TRAPPC9: variants seen among roughly 807,000 people sequenced by gnomAD.
TRAPPC9 encodes IKK2 binding protein.
TRAPPC9 carries 83 observed loss-of-function variants against 124.0 expected under a neutral mutation model. That is an observed-to-expected ratio of 0.67 (90% CI 0.56 to 0.80). The LOEUF is 0.80. Ranked by LOEUF, TRAPPC9 falls within the 30% of genes least tolerant of loss-of-function variation. TRAPPC9 has a pLI of 0.00. For missense variants in TRAPPC9, 1,302 were observed against 1,508.3 expected (o/e 0.86, Z 2.27); for synonymous variants, 638 against 617.5 (o/e 1.03, Z -0.49).
chr8:140,055,865 T>C (rs1440380740), intron 17 of TRAPPC9, among the ~76,000 whole-genome samples: 1 of 152,028 alleles, frequency 6.6e-6, no homozygotes, highest in South Asian at 2.1e-4. Context: ...TACAAATGAA[T>C]ACAAGGACAT....
In TRAPPC9 at chr8:139,788,519, A is replaced by G. The variant is rs1822430878; in HGVS notation, c.3056-56317T>C. Among the ~76,000 whole-genome samples, 2 of 152,164 alleles carry G rather than the reference A, an allele frequency of 1.3e-5. No individual in the cohort carries two copies. Among genetic ancestry groups the G allele is most frequent in the East Asian group, 1.9e-4 (1 of 5,180 alleles). ...GGCACAGCCAGCCATCGGGCGGCCC[A>G]TGGTCCTGGGGCATGGCAGCTGCTC... On this transcript the variant is annotated intron_variant, in intron 21 of 22. Coordinates refer to ENST00000438773, the MANE Select transcript of TRAPPC9 (RefSeq NM_001160372.4). This position sits in a 1 kb window ranked among gnomAD's most constrained non-coding sequence, Gnocchi z 4.9.
At chr8:140,274,904 C>T (rs1254843165) in intron 15 of TRAPPC9, among the ~76,000 whole-genome samples, 1 of 152,202 alleles carries the variant, frequency 6.6e-6, no homozygotes, top group African/African-American at 2.4e-5. Context: ...TAAAACACCC[C>T]AAAGTCCTGC....
chr8:140,357,616 C>A (rs2067791418), intron 9 of TRAPPC9, among the ~76,000 whole-genome samples: 1 of 152,030 alleles, frequency 6.6e-6, no homozygotes, highest in South Asian at 2.1e-4. Context: ...GGGCAGCACT[C>A]CCAGGGGCTG....
intron 18 of TRAPPC9, among the ~76,000 whole-genome samples, chr8:140,011,168 C>T (rs1468519515): frequency 6.6e-6 from 1 of 151,992 alleles, no homozygotes; most frequent in African/African-American, 2.4e-5. Flanking sequence ...GGTGAAACCC[C>T]ATCTCTACTA....
chr8:139,831,684 AG>A (rs1826005762), intron 21 of TRAPPC9, among the ~76,000 whole-genome samples: 1 of 152,082 alleles, frequency 6.6e-6, no homozygotes, highest in African/African-American at 2.4e-5. Flanking sequence ...CCCCTCACTG[AG>A]CCCCACTGGA....
In TRAPPC9 at chr8:140,024,115, C is replaced by A; in HGVS notation, c.2557-36G>T. The A allele has an allele frequency of 4.4e-6, 7 of 1,606,016 alleles. No homozygotes were observed. In the East Asian group the frequency reaches 1.3e-4, roughly 31 times the overall value. On this transcript the variant is annotated intron_variant, in intron 17 of 22. Transcript: ENST00000438773. ...TTAAAAAAAAAAATACACACACACA[C>A]ATTAGTAACTCTCTAGTTTGATCCA...
At chr8:139,838,955 A>C (rs1826548121) in intron 21 of TRAPPC9, among the ~76,000 whole-genome samples, 1 of 152,172 alleles carries the variant, frequency 6.6e-6, no homozygotes, top group African/African-American at 2.4e-5. Flanking sequence ...GGGACACACC[A>C]GGGGGCAAAA....
intron 12 of TRAPPC9, among the ~76,000 whole-genome samples, chr8:140,289,117 C>T (rs758177885): frequency 2.6e-5 from 4 of 151,972 alleles, no homozygotes; most frequent in African/African-American, 7.3e-5. Context: ...ATGGTGCAGA[C>T]GCAGGGGTAT....
chr8:140,089,945 C>T (rs1407424622), intron 17 of TRAPPC9, among the ~76,000 whole-genome samples: 3 of 151,996 alleles, frequency 2.0e-5, no homozygotes, highest in Admixed American at 6.6e-5. Context: ...CTGGGTGTGG[C>T]GGTGCACGCC....
At chr8:140,344,976 G>A (rs1588184646) in intron 9 of TRAPPC9, among the ~76,000 whole-genome samples, 1 of 152,278 alleles carries the variant, frequency 6.6e-6, no homozygotes, top group South Asian at 2.1e-4. Flanking sequence ...TGACGGCGGG[G>A]AAGCCACGAC....
In TRAPPC9 at chr8:139,886,789, G is replaced by A. The variant is rs142742756; in HGVS notation, c.2965-820C>T. Among the ~76,000 whole-genome samples the A allele has an allele frequency of 3.6e-3, 548 of 152,302 alleles. 5 individuals are homozygous for A. Among genetic ancestry groups the A allele is most frequent in the African/African-American group, 0.011 (469 of 41,562 alleles). ...CAGGTGGTGTGGCCTTGAGGATGAA[G>A]GAAGGGTGGGCCACGCACCCTGAAG... is the stretch of plus-strand genomic sequence containing the variant. On this transcript the variant is annotated intron_variant, in intron 20 of 22. Transcript: ENST00000438773.
chr8:139,923,897 T>G (rs138718700), intron 19 of TRAPPC9, among the ~76,000 whole-genome samples: 53 of 152,282 alleles, frequency 3.5e-4, no homozygotes, highest in African/African-American at 1.3e-3. Flanking sequence ...TGCTATTATA[T>G]CTAATTACAT....
chr8:140,416,332 A>G (rs931922623), intron 5 of TRAPPC9, among the ~76,000 whole-genome samples: 3 of 152,234 alleles, frequency 2.0e-5, no homozygotes, highest in Admixed American at 6.5e-5. Context: ...AACCCAACTC[A>G]AGAAGATCTA....
rs368815304 is a variant in TRAPPC9, at chr8:140,036,798, C to T, written c.2557-12719G>A. ...TGGGGTTCCTTGGAAGCTAAGATGC[C>T]GCGTGTGTGTTTACGGAAAATCATC... is the stretch of plus-strand genomic sequence containing the variant. On this transcript the variant is annotated intron_variant, in intron 17 of 22. Transcript: ENST00000438773. 4.6e-5 allele frequency among the ~76,000 whole-genome samples: 7 copies of T among 152,040 alleles called. 1 individual carries two copies. Among genetic ancestry groups the T allele is most frequent in the Admixed American group, 2.6e-4 (4 of 15,268 alleles).
At chr8:140,308,650 A>G (rs930800769) in intron 10 of TRAPPC9, among the ~76,000 whole-genome samples, 2 of 152,162 alleles carry the variant, frequency 1.3e-5, no homozygotes, top group Non-Finnish European at 2.9e-5. Flanking sequence ...TGGGAGGCTG[A>G]GGCGGGCGGA....
chr8:139,947,910 A>AGC (rs1834353659), intron 19 of TRAPPC9, among the ~76,000 whole-genome samples: 4 of 58,308 alleles, frequency 6.9e-5, no homozygotes, highest in African/African-American at 2.4e-4. Context: ...ATATATATAG[A>AGC]GAGAGAGAGA....
rs1221185865 is a variant in TRAPPC9 at position 139,907,042 on chromosome 8, C to G, written c.2964+3105G>C. On this transcript the variant is annotated intron_variant, in intron 20 of 22. Transcript: ENST00000438773. The surrounding 1 kb of genome is among the most constrained non-coding windows in gnomAD (Gnocchi z 4.7). ...ACCTGAGGGAAGCTCCCATCAGCCCCACAACGCTGCACTGCAAGTGCCCAT... is the reference window on the plus strand; with the variant it reads ...ACCTGAGGGAAGCTCCCATCAGCCCGACAACGCTGCACTGCAAGTGCCCAT... Among the ~76,000 whole-genome samples the G allele has an allele frequency of 6.6e-6, 1 of 152,242 alleles. No homozygotes were observed. Among genetic ancestry groups the G allele is most frequent in the Non-Finnish European group, 1.5e-5 (1 of 68,040 alleles).
Position 139,991,393 on chromosome 8 carries a change from T to C in TRAPPC9, c.2700-2557A>G, listed in dbSNP as rs1837635229. Among the ~76,000 whole-genome samples, 3 of 152,180 alleles carry C rather than the reference T, an allele frequency of 2.0e-5. No homozygotes were observed. In the South Asian group the frequency reaches 6.2e-4, roughly 32 times the overall value. ...CTAGTGTTTCTATTCTTTCTAATTG[T>C]TGACATGATGATGTATTGGTGGAGC... is the stretch of plus-strand genomic sequence containing the variant. On this transcript the variant is annotated intron_variant, in intron 18 of 22. Coordinates refer to ENST00000438773, the MANE Select transcript of TRAPPC9 (RefSeq NM_001160372.4).
At chr8:140,297,146 G>T (rs1265446928) in intron 11 of TRAPPC9, among the ~76,000 whole-genome samples, 3 of 150,672 alleles carry the variant, frequency 2.0e-5, no homozygotes, top group African/African-American at 7.3e-5. Flanking sequence ...CACATCTGGG[G>T]CTGCCATCAG....
Sources: gnomAD v4.1 joint callset for allele counts (sites outside exome capture counted in the v4.1 genomes callset) on GRCh38, gnomAD v4.1.1 for gene constraint, Gnocchi (gnomAD v3.1) non-coding constraint, MANE v1.5 for transcripts, NCBI Gene and HGNC (gene_info 2026-07-23, HGNC 2026-07-21) for gene names.